The following TTBK2 variants were observed in gnomAD, a reference collection of about 807,000 sequenced individuals.
TTBK2 encodes tau tubulin kinase 2, also known as tau-tubulin kinase 2.
In TTBK2, 28 loss-of-function variants were observed where a neutral mutation model predicts 110.8. That is an observed-to-expected ratio of 0.25 (90% CI 0.19 to 0.35). The LOEUF is 0.35. Among genes scored for constraint, TTBK2 ranks in the 10% least tolerant of loss-of-function variants. TTBK2 has a pLI of 1.00. For missense variants in TTBK2, 1,369 were observed against 1,500.3 expected (o/e 0.91, Z 1.45); for synonymous variants, 532 against 527.3 (o/e 1.01, Z -0.12).
chr15:42,776,825 G>T, intron 12 of TTBK2: 1 of 622,224 alleles, frequency 1.6e-6, no homozygotes, highest in Non-Finnish European at 2.8e-6. Context: ...ACATGCTATA[G>T]AATTTATAAT....
At chr15:42,815,955 AAAAAT>A (rs1891959708) in intron 7 of TTBK2, among the ~76,000 whole-genome samples, 1 of 40,864 alleles carries the variant, frequency 2.4e-5, no homozygotes, top group Non-Finnish European at 3.8e-5. Flanking sequence ...TATTTAAAAA[AAAAAT>A]ATATATATAT....
chr15:42,885,660 C>G (rs924136040), intron 1 of TTBK2, among the ~76,000 whole-genome samples: 1 of 152,118 alleles, frequency 6.6e-6, no homozygotes, highest in African/African-American at 2.4e-5. Context: ...GCAAGTACCC[C>G]CCGACCTCTT....
chr15:42,864,594 GA>G (rs999448306), intron 3 of TTBK2, among the ~76,000 whole-genome samples: 1 of 149,608 alleles, frequency 6.7e-6, no homozygotes, highest in African/African-American at 2.5e-5. Context: ...CAAAAAAAAA[GA>G]AAAAAAAAGT....
At chr15:42,919,855 C>T (rs981351343) in intron 1 of TTBK2, 2 of 983,898 alleles carry the variant, frequency 2.0e-6, no homozygotes, top group African/African-American at 3.5e-5. Context: ...TTTGACAGAA[C>T]ATATACGTGA....
At chr15:42,802,294 A>T in intron 9 of TTBK2, 1 of 788,812 alleles carries the variant, frequency 1.3e-6, no homozygotes. Flanking sequence ...CATTCGGGAG[A>T]AGCTCGAGGA....
chr15:42,827,211 T>C (rs1356826353), intron 6 of TTBK2, among the ~76,000 whole-genome samples: 3 of 152,106 alleles, frequency 2.0e-5, no homozygotes, highest in African/African-American at 7.2e-5. Context: ...GTCTTAATAC[T>C]GTGTGTATGG....
chr15:42,821,697 G>T (rs201301426), intron 6 of TTBK2, among the ~76,000 whole-genome samples: 6,166 of 137,272 alleles, frequency 0.045, 305 homozygotes, highest in East Asian at 0.13. Flanking sequence ...TTTTTTTTTT[G>T]TTTTTTTTTT....
At chr15:42,856,948 C>T (rs1365260583) in intron 3 of TTBK2, among the ~76,000 whole-genome samples, 1 of 151,852 alleles carries the variant, frequency 6.6e-6, no homozygotes, top group African/African-American at 2.4e-5. Flanking sequence ...GTAATCCCAG[C>T]TATTCAGGAA....
intron 6 of TTBK2, among the ~76,000 whole-genome samples, chr15:42,822,539 G>A (rs2140964777): frequency 6.6e-6 from 1 of 152,158 alleles, no homozygotes; most frequent in East Asian, 1.9e-4. Context: ...CAAAGAGGGA[G>A]GAAAGTACTG....
At chr15:42,892,120 G>A (rs183160988) in intron 1 of TTBK2, among the ~76,000 whole-genome samples, 32 of 152,084 alleles carry the variant, frequency 2.1e-4, no homozygotes, top group South Asian at 2.1e-4. Context: ...TTAAAAGAAC[G>A]GAAATCATAC....
At chr15:42,835,006 T>C (rs1285717854) in intron 4 of TTBK2, among the ~76,000 whole-genome samples, 2 of 152,188 alleles carry the variant, frequency 1.3e-5, no homozygotes, top group Non-Finnish European at 2.9e-5. Flanking sequence ...TAAAAACTGA[T>C]AAATAAAATA....
chr15:42,766,248 G>T (rs2140698375), intron 13 of TTBK2, among the ~76,000 whole-genome samples: 1 of 151,818 alleles, frequency 6.6e-6, no homozygotes, highest in Admixed American at 6.6e-5. Flanking sequence ...CATAATGACA[G>T]GATCAAATGC....
At position 42,756,182 on chromosome 15, in the gene TTBK2, G is replaced by A. The variant is rs1340724554; in HGVS notation, c.1999-2935C>T. Among the ~76,000 whole-genome samples the A allele has an allele frequency of 5.9e-5, 9 of 152,012 alleles. 1 individual carries two copies. The highest frequency in any genetic ancestry group is 1.5e-5 in the Non-Finnish European group (1 of 68,012). ...ACTGTACTCCAGCCTGTGTGACAGA[G>A]CCAGATTGCTGGACCCTGTCTGAAA... On this transcript the variant is annotated intron_variant, in intron 13 of 14. Transcript: ENST00000267890.
At chr15:42,776,041 TAAA>T (rs1889906472) in intron 12 of TTBK2, among the ~76,000 whole-genome samples, 1 of 152,210 alleles carries the variant, frequency 6.6e-6, no homozygotes, top group Non-Finnish European at 1.5e-5. Context: ...TCAAAATGTA[TAAA>T]CCAATGCCCC....
At chr15:42,767,801 C>T (rs1054497761) in intron 13 of TTBK2, among the ~76,000 whole-genome samples, 41 of 152,156 alleles carry the variant, frequency 2.7e-4, no homozygotes, top group African/African-American at 9.6e-4. Context: ...CTGACAGAGA[C>T]ACAACAAAAA....
At chr15:42,780,389 C>T (rs1013981985) in intron 11 of TTBK2, among the ~76,000 whole-genome samples, 1 of 149,824 alleles carries the variant, frequency 6.7e-6, no homozygotes, top group Non-Finnish European at 1.5e-5. Flanking sequence ...TAGAAGAGTA[C>T]TAAAATGTTG....
At chr15:42,877,550 T>C (rs1894861637) in intron 2 of TTBK2, among the ~76,000 whole-genome samples, 1 of 152,200 alleles carries the variant, frequency 6.6e-6, no homozygotes, top group African/African-American at 2.4e-5. Flanking sequence ...TGGCAACTAA[T>C]TACAATATCC....
chr15:42,828,722 C>CAAAA (rs1223349148), intron 5 of TTBK2, among the ~76,000 whole-genome samples: 1 of 50,620 alleles, frequency 2.0e-5, no homozygotes. Flanking sequence ...GACTCTGTCA[C>CAAAA]AAAAAAAAAA....
intron 1 of TTBK2, among the ~76,000 whole-genome samples, chr15:42,906,176 G>A (rs184848330): frequency 5.3e-5 from 8 of 150,718 alleles, no homozygotes; most frequent in African/African-American, 1.7e-4. Context: ...CAACAAGAGC[G>A]AAACTCCATC....
Sources: allele counts gnomAD v4.1 joint callset (sites outside exome capture counted in the v4.1 genomes callset), GRCh38; gene constraint gnomAD v4.1.1; transcripts MANE v1.5; gene names NCBI Gene and HGNC (gene_info 2026-07-23, HGNC 2026-07-21).